CHSY3: variants seen among roughly 807,000 people sequenced by gnomAD.
CHSY3 encodes N-acetylgalactosaminyl-proteoglycan 3-beta-glucuronosyltransferase 3.
In CHSY3, 35 loss-of-function variants were observed where a neutral mutation model predicts 67.2. The ratio of observed to expected loss-of-function variants is 0.52; its 90% CI spans 0.40 to 0.69. CHSY3 has a LOEUF of 0.69. Among genes scored for constraint, CHSY3 ranks in the 30% least tolerant of loss-of-function variants. CHSY3 has a pLI of 0.00. For missense variants in CHSY3, 1,069 were observed against 1,138.5 expected (o/e 0.94, Z 0.88); for synonymous variants, 474 against 434.7 (o/e 1.09, Z -1.12).
intron 2 of CHSY3, among the ~76,000 whole-genome samples, chr5:130,133,367 G>C (rs1269125328): frequency 6.6e-6 from 1 of 152,108 alleles, no homozygotes; most frequent in Admixed American, 6.5e-5. Flanking sequence ...AGCCATGTGG[G>C]ATGCATAATT....
chr5:130,106,535 A>G lies in CHSY3; in HGVS notation c.1087-77694A>G, dbSNP rs564230625. ...GTAGGGATACAGACAATAAACCCAT[A>G]AAGAAATAAATATGTTTCAGGTGGT... On this transcript the variant is annotated intron_variant, in intron 2 of 2. Transcript: ENST00000305031. Among the ~76,000 whole-genome samples, 3 of 151,818 alleles carry G rather than the reference A, an allele frequency of 2.0e-5. No individual in the cohort carries two copies. In the East Asian group the frequency reaches 5.8e-4, roughly 29 times the overall value.
intron 2 of CHSY3, among the ~76,000 whole-genome samples, chr5:130,075,958 C>A (rs1766235809): frequency 6.6e-6 from 1 of 152,138 alleles, no homozygotes; most frequent in Non-Finnish European, 1.5e-5. Flanking sequence ...GCTATCAAGG[C>A]TTAAAATCTC....
intron 2 of CHSY3, among the ~76,000 whole-genome samples, chr5:130,119,208 G>A (rs548360550): frequency 6.6e-6 from 1 of 152,254 alleles, no homozygotes; most frequent in African/African-American, 2.4e-5. Flanking sequence ...TAGATATCCA[G>A]AACTCCAACT....
At chr5:129,937,841 G>A (rs560725014) in intron 2 of CHSY3, among the ~76,000 whole-genome samples, 2 of 152,226 alleles carry the variant, frequency 1.3e-5, no homozygotes, top group African/African-American at 4.8e-5. Flanking sequence ...CTACACTGAT[G>A]CAAGGGTTGG....
At chr5:130,178,227 T>TTA (rs1554088379) in intron 2 of CHSY3, among the ~76,000 whole-genome samples, 3,061 of 65,576 alleles carry the variant, frequency 0.047, 218 homozygotes, top group South Asian at 0.07. Flanking sequence ...ATATTTATAT[T>TTA]TATATATATA....
intron 2 of CHSY3, among the ~76,000 whole-genome samples, chr5:130,178,197 ATATTTATATATATATG>A (rs1169228577): frequency 5.3e-5 from 6 of 112,582 alleles, no homozygotes; most frequent in African/African-American, 9.8e-5. Flanking sequence ...GTATATATAT[ATATTTATATATATATG>A]TATATATTTA....
At chr5:130,088,338 C>T (rs1766741405) in intron 2 of CHSY3, among the ~76,000 whole-genome samples, 1 of 148,114 alleles carries the variant, frequency 6.8e-6, no homozygotes, top group Non-Finnish European at 1.5e-5. Context: ...ACACCAAAAG[C>T]AATGGCAACA....
At chr5:130,021,487 T>A (rs2149654055) in intron 2 of CHSY3, among the ~76,000 whole-genome samples, 1 of 152,274 alleles carries the variant, frequency 6.6e-6, no homozygotes, top group South Asian at 2.1e-4. Context: ...AAGAATTGTT[T>A]TTCTTGTCAG....
intron 2 of CHSY3, among the ~76,000 whole-genome samples, chr5:130,012,736 C>T (rs1764103654): frequency 6.6e-6 from 1 of 152,068 alleles, no homozygotes; most frequent in South Asian, 2.1e-4. Flanking sequence ...ATTATGGGAA[C>T]TGTAATTCAA....
chr5:129,908,467 G>C (rs1760405211), intron 2 of CHSY3, 107 bp downstream of exon 2: 1 of 1,456,538 alleles, frequency 6.9e-7, no homozygotes, highest in Non-Finnish European at 9.2e-7. Flanking sequence ...GTATTTACTT[G>C]AAAGTGATAG....
rs151248580 is a variant in CHSY3, at chr5:130,151,501, G to A, written c.1087-32728G>A. 3.2e-3 allele frequency among the ~76,000 whole-genome samples: 489 copies of A among 152,270 alleles called. 5 individuals are homozygous for A. Among genetic ancestry groups the A allele is most frequent in the Non-Finnish European group, 8.7e-4 (59 of 68,028 alleles). On this transcript the variant is annotated intron_variant, in intron 2 of 2. Transcript: ENST00000305031. ...AGGTGCTAATCTCAGTGCTGGGAAC[G>A]TGGCTGTTGTGTTAGCCTGTTCTCT... is the stretch of plus-strand genomic sequence containing the variant.
chr5:129,908,651 C>T (rs772380204), intron 2 of CHSY3, among the ~76,000 whole-genome samples: 1 of 152,108 alleles, frequency 6.6e-6, no homozygotes, highest in Non-Finnish European at 1.5e-5. Flanking sequence ...TGCTTATATA[C>T]ATGTGAATCT....
chr5:130,143,730 G>GTATATATA lies in CHSY3; in HGVS notation c.1087-40498_1087-40497insATATATAT, dbSNP rs1285066017. 2.3e-3 allele frequency among the ~76,000 whole-genome samples: 245 copies of GTATATATA among 104,504 alleles called. 9 individuals carry two copies. Among genetic ancestry groups the GTATATATA allele is most frequent in the African/African-American group, 9.2e-3 (223 of 24,328 alleles). 68.6% of individuals were successfully genotyped at this position (104,504 alleles called of 152,430 possible). On this transcript the variant is annotated intron_variant, in intron 2 of 2. Coordinates refer to ENST00000305031, the MANE Select transcript of CHSY3 (RefSeq NM_175856.5). ...AGGGTATATATATATATGTGTGTGT[G>GTATATATA]TGTGTATATATATATATATATATAT... is the stretch of plus-strand genomic sequence containing the variant.
chr5:130,176,087 A>AT (rs1770040673), intron 2 of CHSY3, among the ~76,000 whole-genome samples: 1 of 152,084 alleles, frequency 6.6e-6, no homozygotes, highest in Non-Finnish European at 1.5e-5. Context: ...GGAGAAAATT[A>AT]TTGCAATCTA....
chr5:130,080,367 A>C (rs191822435), intron 2 of CHSY3, among the ~76,000 whole-genome samples: 15 of 152,094 alleles, frequency 9.9e-5, no homozygotes, highest in Admixed American at 6.6e-4. Flanking sequence ...TGATTGTAGC[A>C]TTGGTTTATA....
At chr5:130,081,344 G>A (rs1384037233) in intron 2 of CHSY3, among the ~76,000 whole-genome samples, 1 of 148,324 alleles carries the variant, frequency 6.7e-6, no homozygotes, top group Non-Finnish European at 1.5e-5. Context: ...GGGTGGGGGT[G>A]CTGCAGGACT....
chr5:130,074,581 T>C (rs1384168844), intron 2 of CHSY3, among the ~76,000 whole-genome samples: 1 of 152,200 alleles, frequency 6.6e-6, no homozygotes, highest in Admixed American at 6.5e-5. Context: ...AATGTCTACT[T>C]ATGAAAGATC....
intron 2 of CHSY3, among the ~76,000 whole-genome samples, chr5:130,028,962 C>G (rs1764633767): frequency 6.6e-6 from 1 of 151,902 alleles, no homozygotes; most frequent in African/African-American, 2.4e-5. Flanking sequence ...TCTTCTTTTT[C>G]CCTCCTCCTC....
chr5:129,909,391 T>A (rs1760450493), intron 2 of CHSY3, among the ~76,000 whole-genome samples: 1 of 152,102 alleles, frequency 6.6e-6, no homozygotes, highest in South Asian at 2.1e-4. Context: ...ATATGTTCCC[T>A]GTGAAGTCAC....
Sources: allele counts gnomAD v4.1 joint callset (sites outside exome capture counted in the v4.1 genomes callset), GRCh38; gene constraint gnomAD v4.1.1; transcripts MANE v1.5; gene names NCBI Gene and HGNC (gene_info 2026-07-23, HGNC 2026-07-21).